The following BDP1 variants were observed in gnomAD, a reference collection of about 807,000 sequenced individuals.
BDP1 encodes transcription factor TFIIIB component B'' homolog.
BDP1 carries 169 observed loss-of-function variants against 266.6 expected under a neutral mutation model. That is an observed-to-expected ratio of 0.63 (90% confidence interval 0.56 to 0.72). The LOEUF is 0.72. Ranked by LOEUF, BDP1 falls within the 30% of genes least tolerant of loss-of-function variation. The pLI, the probability that BDP1 is intolerant of heterozygous loss-of-function variation, is 0.00. For synonymous variants in BDP1, 1,090 were observed against 1,022.4 expected (o/e 1.07, Z -1.26); for missense variants, 3,015 against 3,053.8 (o/e 0.99, Z 0.30).
chr5:71,565,047 A>G lies in BDP1; in HGVS notation c.*162A>G, dbSNP rs2112139921. 1 of 658,058 alleles carries G rather than the reference A, an allele frequency of 1.5e-6. No homozygotes were observed. The highest frequency in any genetic ancestry group is 1.8e-5 in the African/African-American group (1 of 54,296). 40.8% of individuals were successfully genotyped at this position (658,058 alleles called of 1,614,324 possible). On this transcript the variant is annotated 3_prime_UTR_variant, in exon 39 of 39. Transcript: ENST00000358731. ...ATTTGAAGCTTTTATAATCAGTGGA[A>G]AACATTTCTGAGGTTCCTTTCATTC...
At chr5:71,481,186 T>C (rs1762940127) in intron 7 of BDP1, among the ~76,000 whole-genome samples, 1 of 149,838 alleles carries the variant, frequency 6.7e-6, no homozygotes, top group Non-Finnish European at 1.5e-5. Context: ...AAAAAAAAAA[T>C]GAAATCACAT....
chr5:71,486,142 G>C (rs540073953), intron 8 of BDP1, among the ~76,000 whole-genome samples: 2 of 152,212 alleles, frequency 1.3e-5, no homozygotes, highest in African/African-American at 4.8e-5. Flanking sequence ...ATGTTTTTGA[G>C]ATTCCCTCAT....
intron 9 of BDP1, among the ~76,000 whole-genome samples, chr5:71,489,122 A>G (rs908539026): frequency 3.3e-5 from 5 of 152,182 alleles, no homozygotes; most frequent in Non-Finnish European, 7.3e-5. Flanking sequence ...GTTTAATAAA[A>G]ATGAGATTTT....
chr5:71,513,442 G>GTT (rs34587827), intron 19 of BDP1, 35 bp downstream of exon 19: 551 of 931,472 alleles, frequency 5.9e-4, no homozygotes, highest in Non-Finnish European at 6.7e-4. Context: ...CTGTGTGGGT[G>GTT]TTTTTTTTTT....
chr5:71,521,290 AGTTT>A (rs1765480160), intron 22 of BDP1, among the ~76,000 whole-genome samples: 1 of 145,868 alleles, frequency 6.9e-6, no homozygotes, highest in Admixed American at 6.9e-5. Flanking sequence ...GGTTTATATT[AGTTT>A]TTTTTTTTTT....
At chr5:71,477,132 C>A (rs1174988266) in intron 7 of BDP1, among the ~76,000 whole-genome samples, 1 of 151,926 alleles carries the variant, frequency 6.6e-6, no homozygotes, top group East Asian at 1.9e-4. Flanking sequence ...TAGGCATGAG[C>A]CACCGAGCCC....
At chr5:71,467,543 T>C (rs1761980406) in intron 6 of BDP1, 56 bp downstream of exon 6, 1 of 1,429,994 alleles carries the variant, frequency 7.0e-7, no homozygotes, top group Non-Finnish European at 9.7e-7. Context: ...GAATTGACTG[T>C]TTCTGAATTA....
chr5:71,496,129 C>G (rs1453871945), intron 12 of BDP1, among the ~76,000 whole-genome samples: 2 of 151,264 alleles, frequency 1.3e-5, no homozygotes, highest in Admixed American at 1.3e-4. Flanking sequence ...GTAGTCCCAG[C>G]TACTTGGGAG....
chr5:71,539,947 A>G (rs932266211), intron 28 of BDP1, among the ~76,000 whole-genome samples: 3 of 152,144 alleles, frequency 2.0e-5, no homozygotes, highest in African/African-American at 7.2e-5. Context: ...TACCTTTACC[A>G]TCATAAATGT....
intron 35 of BDP1, among the ~76,000 whole-genome samples, chr5:71,553,942 C>T (rs1471141885): frequency 6.6e-6 from 1 of 152,202 alleles, no homozygotes; most frequent in East Asian, 1.9e-4. Context: ...GTTCAGTCAT[C>T]AGTGCCTCAG....
chr5:71,522,234 T>C lies in BDP1; in HGVS notation c.4992-55T>C, dbSNP rs765643688. On this transcript the variant is annotated intron_variant, in intron 22 of 38. Transcript: ENST00000358731. ...AAATTGTTTGATGTAACAGCTGTTA[T>C]ATCAACAAGAAATTCTGATTTTTGT... is the stretch of plus-strand genomic sequence containing the variant. The C allele has an allele frequency of 2.3e-4, 325 of 1,412,052 alleles. 1 individual carries two copies. Among genetic ancestry groups the C allele is most frequent in the Non-Finnish European group, 3.1e-4 (309 of 1,010,710 alleles). 87.5% of individuals were successfully genotyped at this position (1,412,052 alleles called of 1,614,324 possible).
Position 71,542,186 on chromosome 5 carries a change from A to G in BDP1, c.6333A>G (p.Leu2111=). 6.2e-7 allele frequency: 1 copy of G among 1,613,720 alleles called. No individual in the cohort carries two copies. The highest frequency in any genetic ancestry group is 8.5e-7 in the Non-Finnish European group (1 of 1,179,818). Residue 2111 remains leucine, a synonymous_variant, in exon 30 of 39, where the codon TTA becomes TTG. Coordinates refer to ENST00000358731, the MANE Select transcript of BDP1 (RefSeq NM_018429.3). ...AKPKPNLEKT[L]GTNRLDDYQE... ...CTAAACCAAATCTTGAGAAGACTTTAGGGACCAACAGGCTTGATGATTATC... is the reference window on the plus strand; with the variant it reads ...CTAAACCAAATCTTGAGAAGACTTTGGGGACCAACAGGCTTGATGATTATC...
At chr5:71,526,867 G>A (rs1448641502) in intron 25 of BDP1, among the ~76,000 whole-genome samples, 3 of 151,726 alleles carry the variant, frequency 2.0e-5, no homozygotes, top group Non-Finnish European at 4.4e-5. Context: ...TGTATTTTTG[G>A]TAGAGGCAGG....
At chr5:71,524,391 G>A (rs1765662422) in intron 25 of BDP1, 68 bp downstream of exon 25, 1 of 1,406,682 alleles carries the variant, frequency 7.1e-7, no homozygotes, top group South Asian at 1.4e-5. Context: ...TCTTTTAGGG[G>A]ATCATTATTT....
chr5:71,533,061 T>G (rs1241816021), intron 26 of BDP1, among the ~76,000 whole-genome samples: 1 of 152,218 alleles, frequency 6.6e-6, no homozygotes, highest in Non-Finnish European at 1.5e-5. Context: ...TTTTTTCACT[T>G]AATGTAACAT....
chr5:71,547,837 A>G (rs1410211598), intron 32 of BDP1, among the ~76,000 whole-genome samples: 7 of 152,082 alleles, frequency 4.6e-5, no homozygotes, highest in African/African-American at 9.7e-5. Flanking sequence ...AGTCCCAGCT[A>G]CTCAGGAGAC....
intron 25 of BDP1, among the ~76,000 whole-genome samples, chr5:71,528,069 C>T (rs1766022494): frequency 6.6e-6 from 1 of 152,254 alleles, no homozygotes; most frequent in South Asian, 2.1e-4. Context: ...GATCCATCTG[C>T]CTGGGCCTCC....
rs70992971 is a variant in BDP1 at position 71,506,786 on chromosome 5, AACACAC to A, written c.2372+2068_2372+2073del. On this transcript the variant is annotated intron_variant, in intron 16 of 38. Coordinates refer to ENST00000358731, the MANE Select transcript of BDP1 (RefSeq NM_018429.3). ...TATATATATATATATATATATTTGA[AACACAC>A]ACACACACACACACACACACACACA... is the stretch of plus-strand genomic sequence containing the variant. Among the ~76,000 whole-genome samples the A allele has an allele frequency of 3.0e-3, 194 of 64,424 alleles. 2 individuals are homozygous for A. Among genetic ancestry groups the A allele is most frequent in the African/African-American group, 3.5e-3 (90 of 25,386 alleles). The allele number at this position is 64,424 out of a possible 152,430, so 42.3% of individuals were successfully genotyped here. A position where few individuals can be genotyped will look rare whatever the true frequency, so the allele number is the denominator to read the frequency against.
At chr5:71,462,094 C>T (rs1431205914) in intron 3 of BDP1, among the ~76,000 whole-genome samples, 168 bp downstream of exon 3, 1 of 151,374 alleles carries the variant, frequency 6.6e-6, no homozygotes, top group Non-Finnish European at 1.5e-5. Context: ...TCGCGGGTAG[C>T]TGGGATTACA....
Sources: gnomAD v4.1 joint callset for allele counts (sites outside exome capture counted in the v4.1 genomes callset) on GRCh38, gnomAD v4.1.1 for gene constraint, MANE v1.5 for transcripts, NCBI Gene and HGNC (gene_info 2026-07-23, HGNC 2026-07-21) for gene names.